The following PPIP5K1 variants were observed in gnomAD, a reference collection of about 807,000 sequenced individuals.
PPIP5K1 encodes inositol hexakisphosphate and diphosphoinositol-pentakisphosphate kinase 1.
In PPIP5K1, 6 loss-of-function variants were observed where a neutral mutation model predicts 27.7. The observed-to-expected ratio is 0.22, with a 90% CI of 0.12 to 0.43. The LOEUF is 0.43. Among genes scored for constraint, PPIP5K1 ranks in the 20% least tolerant of loss-of-function variants. PPIP5K1 has a pLI of 1.00. For synonymous variants in PPIP5K1, 145 were observed against 242.6 expected, an observed-to-expected ratio of 0.60 and a Z score of 3.74; for missense variants, 394 against 635.4, an observed-to-expected ratio of 0.62 and a Z score of 4.08.
intron 30 of PPIP5K1, among the ~76,000 whole-genome samples, chr15:43,549,239 G>C (rs1012009732): frequency 1.4e-4 from 21 of 151,344 alleles, no homozygotes; most frequent in Non-Finnish European, 2.7e-4. Flanking sequence ...GCAATGTTTT[G>C]TAGTTTTTGG....
In PPIP5K1 at chr15:43,536,134, C is replaced by T. The variant is rs866734735; in HGVS notation, c.3671-658G>A. The T allele has an allele frequency of 9.9e-5, 127 of 1,285,048 alleles. No individual in the cohort carries two copies. The African/African-American group carries it at 1.9e-3, about 19-fold the overall frequency. 79.6% of individuals were successfully genotyped at this position (1,285,048 alleles called of 1,614,324 possible). A position where few individuals can be genotyped will look rare whatever the true frequency, so the allele number is the denominator to read the frequency against. The stretch of plus-strand genomic sequence containing the variant: ...GAACAATAGGAAAGAAAATGGTTTA[C>T]CTGGCTGGGTGCGGTGGCTCACGCC... On this transcript the variant is annotated intron_variant, in intron 31 of 31. Coordinates refer to ENST00000420765, the MANE Select transcript of PPIP5K1 (RefSeq NM_001394395.1).
At chr15:43,552,417 T>C (rs2082320110) in intron 30 of PPIP5K1, among the ~76,000 whole-genome samples, 1 of 151,446 alleles carries the variant, frequency 6.6e-6, no homozygotes, top group Non-Finnish European at 1.5e-5. Context: ...TTTAAGAGTA[T>C]GTTGTTGGCT....
chr15:43,539,564 G>A lies in PPIP5K1; in HGVS notation c.3576C>T (p.His1192=), dbSNP rs546608457. 5.0e-6 allele frequency: 8 copies of A among 1,603,376 alleles called. No homozygotes were observed. The highest frequency in any genetic ancestry group is 6.8e-6 in the Non-Finnish European group (8 of 1,172,646). ...QASAALFDSM[H]SSQASDNPFS... ...ATGGGTTATCTGAGGCCTGGCTGCT[G>A]TGCATGGAATCAAAGAGGGCTGGAA... The change falls in exon 31 of 32, where the codon CAC becomes CAT. Residue 1192 remains histidine, a synonymous_variant. Transcript: ENST00000420765.
chr15:43,551,601 A>T lies in PPIP5K1; in HGVS notation c.3556+7194T>A, dbSNP rs2082196529. Among the ~76,000 whole-genome samples, 7 of 105,858 alleles carry T rather than the reference A, an allele frequency of 6.6e-5. No homozygotes were observed. In the South Asian group the frequency reaches 1.4e-3, roughly 21 times the overall value. 69.4% of individuals were successfully genotyped at this position (105,858 alleles called of 152,430 possible). A position where few individuals can be genotyped will look rare whatever the true frequency, so the allele number is the denominator to read the frequency against. ...GTGTGTTTAGACTTTCTACTTCTTG[A>T]TTCAGTTTTTTTTTTTTTTGAGACG... is the stretch of plus-strand genomic sequence containing the variant. On this transcript the variant is annotated intron_variant, in intron 30 of 31. Coordinates refer to ENST00000420765, the MANE Select transcript of PPIP5K1 (RefSeq NM_001394395.1).
chr15:43,539,833 T>C (rs2080430238), intron 30 of PPIP5K1, among the ~76,000 whole-genome samples: 1 of 152,230 alleles, frequency 6.6e-6, no homozygotes, highest in South Asian at 2.1e-4. Context: ...ACCCGTCTCC[T>C]AGATTTAACA....
chr15:43,579,631 G>GTGTGTGTGTGTA (rs1310083869), intron 10 of PPIP5K1, among the ~76,000 whole-genome samples: 10 of 35,712 alleles, frequency 2.8e-4, no homozygotes, highest in Admixed American at 4.1e-4. Flanking sequence ...GTGTGTGTGT[G>GTGTGTGTGTGTA]TATATATATA....
At position 43,552,528 on chromosome 15, in the gene PPIP5K1, T is replaced by TAA. The variant is rs535937209; in HGVS notation, c.3556+6265_3556+6266dup. Among the ~76,000 whole-genome samples, 258 of 69,366 alleles carry TAA rather than the reference T, an allele frequency of 3.7e-3. 4 individuals carry two copies. The highest frequency in any genetic ancestry group is 0.013 in the South Asian group (27 of 2,104). 45.5% of individuals were successfully genotyped at this position (69,366 alleles called of 152,430 possible). On this transcript the variant is annotated intron_variant, in intron 30 of 31. Coordinates refer to ENST00000420765, the MANE Select transcript of PPIP5K1 (RefSeq NM_001394395.1). ...GCAACATGGTGAAACTCTGTCTCTATAAAAAAAAAAAAAAAAAGAAAAAAA... is the reference window on the plus strand; with the variant it reads ...GCAACATGGTGAAACTCTGTCTCTATAAAAAAAAAAAAAAAAAAAGAAAAAAA...
intron 29 of PPIP5K1, 50 bp from the exon 30 acceptor site, chr15:43,558,982 C>A: frequency 1.2e-6 from 2 of 1,605,860 alleles, no homozygotes; most frequent in South Asian, 2.2e-5. Context: ...CCAGATATAC[C>A]CCAACTGGCC....
intron 30 of PPIP5K1, among the ~76,000 whole-genome samples, chr15:43,555,048 G>A (rs571698012): frequency 4.1e-4 from 63 of 152,128 alleles, no homozygotes; most frequent in Non-Finnish European, 7.8e-4. Flanking sequence ...TGTTGGCCAG[G>A]CTGGTCTTGA....
chr15:43,551,122 G>C (rs556046968), intron 30 of PPIP5K1, among the ~76,000 whole-genome samples: 21 of 152,126 alleles, frequency 1.4e-4, no homozygotes, highest in Non-Finnish European at 2.6e-4. Flanking sequence ...CAATTTTTTT[G>C]GAAGAGCGTG....
rs747065660 is a variant in PPIP5K1 at position 43,549,694 on chromosome 15, T to G, written c.3556+9101A>C. 5.6e-4 allele frequency among the ~76,000 whole-genome samples: 84 copies of G among 150,390 alleles called. 2 individuals are homozygous for G. The highest frequency in any genetic ancestry group is 5.3e-4 in the Admixed American group (8 of 15,024). The stretch of plus-strand genomic sequence containing the variant: ...TACAAATTTTAAAAAATTTATTTTG[T>G]AAGCCTGGGCTCATGCCTATAACCC... On this transcript the variant is annotated intron_variant, in intron 30 of 31. Coordinates refer to ENST00000420765, the MANE Select transcript of PPIP5K1 (RefSeq NM_001394395.1).
chr15:43,535,445 A>C lies in PPIP5K1; in HGVS notation c.3702T>G (p.Ser1234Arg), dbSNP rs745848823. Reference sequence around the variant, plus strand: ...CTGTAGTAGGGGAAGAAGGACCAGCACTGGACACAGTGCTAGAAGGGCCAC... The same window carrying C: ...CTGTAGTAGGGGAAGAAGGACCAGCCCTGGACACAGTGCTAGAAGGGCCAC... ...YSSGPSSTVS[S>R]AGPSSPTTVD... Residue 1234 changes from serine to arginine, a missense_variant, in exon 32 of 32, where the codon AGT becomes AGG. Ser to Arg is a moderately radical substitution (Grantham distance 110). Coordinates refer to ENST00000420765, the MANE Select transcript of PPIP5K1 (RefSeq NM_001394395.1). 6.2e-7 allele frequency: 1 copy of C among 1,602,016 alleles called. No homozygotes were observed. The highest frequency in any genetic ancestry group is 1.1e-5 in the South Asian group (1 of 88,862).
At chr15:43,552,281 T>A (rs2082305225) in intron 30 of PPIP5K1, among the ~76,000 whole-genome samples, 1 of 152,120 alleles carries the variant, frequency 6.6e-6, no homozygotes, top group African/African-American at 2.4e-5. Context: ...TAAATATTTA[T>A]AGCTATAAAG....
chr15:43,579,423 C>T (rs1317358408), intron 10 of PPIP5K1, among the ~76,000 whole-genome samples: 1 of 113,976 alleles, frequency 8.8e-6, no homozygotes, highest in South Asian at 2.7e-4. Flanking sequence ...CACACACACA[C>T]GTATGTGTAC....
chr15:43,550,199 G>A (rs370917732), intron 30 of PPIP5K1, among the ~76,000 whole-genome samples: 1 of 151,916 alleles, frequency 6.6e-6, no homozygotes, highest in African/African-American at 2.4e-5. Context: ...ACAGTGATGC[G>A]ATCACCAGTC....
intron 30 of PPIP5K1, among the ~76,000 whole-genome samples, chr15:43,553,340 C>T (rs1041313150): frequency 9.1e-5 from 13 of 143,184 alleles, no homozygotes; most frequent in Admixed American, 1.4e-4. Flanking sequence ...TTTTCTTCTT[C>T]TTTTTTTTTT....
At chr15:43,537,560 G>A (rs757827349) in intron 31 of PPIP5K1, among the ~76,000 whole-genome samples, 1 of 149,626 alleles carries the variant, frequency 6.7e-6, no homozygotes. Context: ...ATGGTGGCAC[G>A]TGCCTGTAAT....
At chr15:43,565,606 G>GT (rs1244442627) in intron 26 of PPIP5K1, among the ~76,000 whole-genome samples, 1 of 138,740 alleles carries the variant, frequency 7.2e-6, no homozygotes, top group Non-Finnish European at 1.5e-5. Flanking sequence ...CTGCAGTGCA[G>GT]TGGCACAATC....
chr15:43,545,262 T>C (rs1023625702), intron 30 of PPIP5K1, among the ~76,000 whole-genome samples: 1 of 151,950 alleles, frequency 6.6e-6, no homozygotes, highest in Non-Finnish European at 1.5e-5. Flanking sequence ...TCCATAGAGA[T>C]TGTACCATTT....
Sources: allele counts gnomAD v4.1 joint callset (sites outside exome capture counted in the v4.1 genomes callset), GRCh38; gene constraint gnomAD v4.1.1; transcripts MANE v1.5; gene names NCBI Gene and HGNC (gene_info 2026-07-23, HGNC 2026-07-21).